The following IL16 variants were observed in gnomAD, a reference collection of about 807,000 sequenced individuals.
The protein encoded by IL16 is interleukin 16, also known as pro-interleukin-16.
A neutral mutation model predicts 110.1 loss-of-function variants in IL16; 67 were observed. The ratio of observed to expected loss-of-function variants is 0.61; its 90% confidence interval spans 0.50 to 0.75. The LOEUF is 0.75. IL16 is among the 30% of genes least tolerant of loss of function. IL16 has a pLI of 0.00. For missense variants in IL16, 1,545 were observed against 1,655.0 expected (o/e 0.93, Z 1.15); for synonymous variants, 689 against 662.9 (o/e 1.04, Z -0.61).
chr15:81,247,486 C>T (rs1054923453), intron 2 of IL16, among the ~76,000 whole-genome samples: 5 of 152,100 alleles, frequency 3.3e-5, no homozygotes, highest in Non-Finnish European at 5.9e-5. Flanking sequence ...ACCTCGAAGA[C>T]AAAAATCAAA....
chr15:81,198,248 G>C (rs1424422249), intron 1 of IL16, among the ~76,000 whole-genome samples: 1 of 152,058 alleles, frequency 6.6e-6, no homozygotes, highest in Non-Finnish European at 1.5e-5. Flanking sequence ...CAGGCACCAA[G>C]CTAAAATATT....
chr15:81,207,408 CTTTAT>C (rs1015112673), intron 1 of IL16, among the ~76,000 whole-genome samples: 79 of 152,076 alleles, frequency 5.2e-4, no homozygotes, highest in African/African-American at 1.8e-3. Context: ...TAAATTTCAA[CTTTAT>C]TTTAGATACA....
intron 11 of IL16, chr15:81,291,781 G>A (rs1319168132): frequency 5.0e-6 from 2 of 400,780 alleles, no homozygotes; most frequent in Non-Finnish European, 1.0e-5. Flanking sequence ...GCGGCTTTCT[G>A]CCCTCACCTC....
At chr15:81,273,584 C>T (rs1334671148) in intron 6 of IL16, among the ~76,000 whole-genome samples, 1 of 152,118 alleles carries the variant, frequency 6.6e-6, no homozygotes, top group Non-Finnish European at 1.5e-5. Context: ...GTTAACACCC[C>T]CTCTCCTTCA....
At chr15:81,235,986 C>T (rs1478563689) in intron 2 of IL16, among the ~76,000 whole-genome samples, 1 of 152,096 alleles carries the variant, frequency 6.6e-6, no homozygotes, top group Non-Finnish European at 1.5e-5. Context: ...GGGAGGTCCC[C>T]ACTTCAGAGC....
Position 81,308,653 on chromosome 15 carries a change from T to C in IL16, c.3854T>C (p.Leu1285Ser). Residue 1285 changes from leucine (L) to serine (S), a missense_variant, in exon 19 of 19, where the codon TTA becomes TCA. By Grantham distance (145) the Leu-to-Ser change is moderately radical. Around this residue, in one of 3 missense-constraint regions of IL16, gnomAD observed 356 missense variants for 399.3 expected, o/e 0.89. Transcript: ENST00000683961. Reference sequence around the variant, plus strand: ...ACAGTCCAGCCTGGAGATGAAATCTTACAGCTGGGTGGCACTGCCATGCAG... The same window carrying C: ...ACAGTCCAGCCTGGAGATGAAATCTCACAGCTGGGTGGCACTGCCATGCAG... ...SETVQPGDEI[L>S]QLGGTAMQGL... 1 of 1,613,722 alleles carries C rather than the reference T, an allele frequency of 6.2e-7. No individual in the cohort carries two copies. Among genetic ancestry groups the C allele is most frequent in the Non-Finnish European group, 8.5e-7 (1 of 1,179,804 alleles).
intron 1 of IL16, among the ~76,000 whole-genome samples, chr15:81,198,385 G>A (rs1034777898): frequency 6.6e-6 from 1 of 152,024 alleles, no homozygotes; most frequent in Admixed American, 6.6e-5. Context: ...AACCCAGCTT[G>A]ACTCCAAAAT....
At chr15:81,213,863 G>T (rs904150858) in intron 1 of IL16, among the ~76,000 whole-genome samples, 2 of 152,116 alleles carry the variant, frequency 1.3e-5, no homozygotes, top group Non-Finnish European at 2.9e-5. Flanking sequence ...GGAACATTTA[G>T]TCCATTTACA....
At chr15:81,205,201 G>A (rs1595944481) in intron 1 of IL16, among the ~76,000 whole-genome samples, 1 of 151,966 alleles carries the variant, frequency 6.6e-6, no homozygotes, top group African/African-American at 2.4e-5. Flanking sequence ...AGCTACTCGG[G>A]AGGCTAAGGC....
At chr15:81,296,847 G>C in intron 12 of IL16, 81 bp from the exon 13 acceptor site, 1 of 1,288,194 alleles carries the variant, frequency 7.8e-7, no homozygotes, top group Non-Finnish European at 1.1e-6. Flanking sequence ...CCGTTTTTCC[G>C]TCCCAATCAA....
At chr15:81,286,818 A>G (rs1899471929) in intron 10 of IL16, among the ~76,000 whole-genome samples, 1 of 152,220 alleles carries the variant, frequency 6.6e-6, no homozygotes, top group Non-Finnish European at 1.5e-5. Flanking sequence ...GTAGTTTATA[A>G]AGAAAAAGAG....
At chr15:81,206,598 C>A (rs1203101092) in intron 1 of IL16, among the ~76,000 whole-genome samples, 1 of 152,046 alleles carries the variant, frequency 6.6e-6, no homozygotes, top group Non-Finnish European at 1.5e-5. Context: ...TGAATTCCAA[C>A]AAATAAAAAT....
In IL16 at chr15:81,279,730, C is replaced by T; in HGVS notation, c.1037C>T (p.Ala346Val). The T allele has an allele frequency of 6.2e-7, 1 of 1,614,248 alleles. No homozygotes were observed. The highest frequency in any genetic ancestry group is 8.5e-7 in the Non-Finnish European group (1 of 1,180,048). ...LESPSAPIST[A>V]KPNYRIMVEV... The stretch of plus-strand genomic sequence containing the variant: ...AGCCCCTCGGCTCCCATCAGCACCG[C>T]CAAGCCCAATTACAGAATCATGGTG... The change falls in exon 8 of 19, where the codon GCC (alanine) becomes GTC (valine). Residue 346 changes from alanine to valine, a missense_variant. This residue lies in a region of IL16 where 1,185 missense variants were observed against 1,238.8 expected (regional missense o/e 0.96). Coordinates refer to ENST00000683961, the MANE Select transcript of IL16 (RefSeq NM_172217.5).
chr15:81,191,757 C>G (rs1383599570), intron 1 of IL16, among the ~76,000 whole-genome samples: 5 of 152,132 alleles, frequency 3.3e-5, no homozygotes, highest in African/African-American at 1.2e-4. Context: ...GTGGAACTTT[C>G]CTGTAAGAGA....
At position 81,278,819 on chromosome 15, in the gene IL16, G is replaced by C. The variant is rs377351117; in HGVS notation, c.793G>C (p.Asp265His). The change falls in exon 7 of 19, where the codon GAT becomes CAT. Residue 265 changes from aspartate to histidine, a missense_variant and splice_region_variant. Coordinates refer to ENST00000683961, the MANE Select transcript of IL16 (RefSeq NM_172217.5). ...AAADGRLQEG[D>H]EILELNGESM... Reference sequence around the variant, plus strand: ...CTACACTTTCTCTCTCTAAACAGGTGATGAAATTCTGGAGCTCAATGGTGA... The same window carrying C: ...CTACACTTTCTCTCTCTAAACAGGTCATGAAATTCTGGAGCTCAATGGTGA... The C allele has an allele frequency of 1.2e-6, 2 of 1,605,918 alleles. No homozygotes were observed. The highest frequency in any genetic ancestry group is 1.7e-6 in the Non-Finnish European group (2 of 1,172,506).
intron 4 of IL16, among the ~76,000 whole-genome samples, chr15:81,267,114 C>T (rs1415544785): frequency 6.6e-6 from 1 of 152,152 alleles, no homozygotes; most frequent in Non-Finnish European, 1.5e-5. Flanking sequence ...AGCGCTGGGT[C>T]CCTGAGGATT....
intron 10 of IL16, among the ~76,000 whole-genome samples, chr15:81,286,322 T>TA (rs926845519): frequency 1.6e-4 from 24 of 152,188 alleles, no homozygotes; most frequent in Admixed American, 5.9e-4. Flanking sequence ...GTTGATAAAG[T>TA]AAAAAAATAC....
intron 3 of IL16, among the ~76,000 whole-genome samples, chr15:81,263,446 T>C (rs2142205091): frequency 6.6e-6 from 1 of 151,202 alleles, no homozygotes; most frequent in South Asian, 2.1e-4. Flanking sequence ...CTTCCCCCAA[T>C]GGAGATGATA....
chr15:81,303,721 A>G lies in IL16; in HGVS notation c.3420+71A>G. The G allele has an allele frequency of 9.9e-7, 1 of 1,014,262 alleles. No individual in the cohort carries two copies. The highest frequency in any genetic ancestry group is 2.4e-5 in the East Asian group (1 of 42,004). 62.8% of individuals were successfully genotyped at this position (1,014,262 alleles called of 1,614,324 possible). ...TCTGGGGGAGGGGGACACACTTGCCAGGAAGGGGCCCTGTGCTGGGGAAAT... is the reference window on the plus strand; with the variant it reads ...TCTGGGGGAGGGGGACACACTTGCCGGGAAGGGGCCCTGTGCTGGGGAAAT... On this transcript the variant is annotated intron_variant, in intron 16 of 18. Coordinates refer to ENST00000683961, the MANE Select transcript of IL16 (RefSeq NM_172217.5). This position sits in a 1 kb window ranked among gnomAD's most constrained non-coding sequence, Gnocchi z 4.1.
Sources: allele counts gnomAD v4.1 joint callset (sites outside exome capture counted in the v4.1 genomes callset), GRCh38; gene constraint gnomAD v4.1.1; regional missense constraint gnomAD v4.1.1; non-coding constraint Gnocchi (gnomAD v3.1); transcripts MANE v1.5; gene names NCBI Gene and HGNC (gene_info 2026-07-23, HGNC 2026-07-21).